Variants in MYO5C observed in about 807,000 individuals in gnomAD.
MYO5C encodes unconventional myosin-Vc.
A neutral mutation model predicts 235.7 loss-of-function variants in MYO5C; 194 were observed. The observed-to-expected ratio is 0.82, with a 90% CI of 0.73 to 0.93. MYO5C has a LOEUF of 0.93. Among genes scored for constraint, MYO5C ranks in the 40% least tolerant of loss-of-function variants. The pLI is 0.00. For missense variants in MYO5C, 2,038 were observed against 2,127.2 expected, an observed-to-expected ratio of 0.96 and a Z score of 0.82; for synonymous variants, 707 against 754.8, an observed-to-expected ratio of 0.94 and a Z score of 1.04.
intron 4 of MYO5C, among the ~76,000 whole-genome samples, chr15:52,278,508 C>T (rs1469547735): frequency 6.6e-6 from 1 of 151,912 alleles, no homozygotes; most frequent in Admixed American, 6.6e-5. Flanking sequence ...GCTAAAAACC[C>T]TGTCATCAGA....
intron 9 of MYO5C, among the ~76,000 whole-genome samples, chr15:52,263,483 G>A (rs987030967): frequency 2.6e-5 from 4 of 152,128 alleles, no homozygotes; most frequent in African/African-American, 4.8e-5. Context: ...GGTAGTGGGT[G>A]TCCTTCTGCT....
At chr15:52,214,579 A>C (rs542747295) in intron 33 of MYO5C, 24 bp downstream of exon 33, 1 of 1,528,600 alleles carries the variant, frequency 6.5e-7, no homozygotes, top group Non-Finnish European at 8.9e-7. Context: ...TCAAAAGAAT[A>C]AGAAAACAAG....
chr15:52,237,959 A>G (rs1351904586), intron 21 of MYO5C, among the ~76,000 whole-genome samples: 1 of 149,318 alleles, frequency 6.7e-6, no homozygotes, highest in Non-Finnish European at 1.5e-5. Flanking sequence ...CTAACCCCTG[A>G]ATTTAGGAAT....
Position 52,229,244 on chromosome 15 carries a change from T to A in MYO5C, c.3096A>T (p.Glu1032Asp). The change falls in exon 25 of 41, where the codon GAA becomes GAT. Residue 1032 changes from glutamate (E) to aspartate (D), a missense_variant. By Grantham distance (45) the Glu-to-Asp change is conservative. Transcript: ENST00000261839. ...TCTTCTCATCCTTGAGAGCTTTAAT[T>A]TCTTCTTTCAAAGACTGAATCTGCT... Reference protein sequence around the residue: ...YEKQIQSLKEEIKALKDEKMQ... With the variant: ...YEKQIQSLKEDIKALKDEKMQ... 2 of 1,614,260 alleles carry A rather than the reference T, an allele frequency of 1.2e-6. No individual in the cohort carries two copies. The highest frequency in any genetic ancestry group is 1.7e-6 in the Non-Finnish European group (2 of 1,180,046).
chr15:52,256,811 C>T (rs201168918), intron 10 of MYO5C, 91 bp from the exon 11 acceptor site: 25 of 965,614 alleles, frequency 2.6e-5, no homozygotes, highest in East Asian at 1.7e-4. Context: ...AAAGCTTAAA[C>T]GTTTGCTATG....
rs1178452150 is a variant in MYO5C, at chr15:52,264,244, T to C, written c.993A>G (p.Leu331=). The part of the protein sequence containing the change: ...MDVFKILAAI[L]HLGNVQITAV... ...CGGTGATCTGCACATTGCCCAGATG[T>C]AGGATGGCTGCCAGGATTTTAAAAA... The change falls in exon 9 of 41, where the codon CTA becomes CTG. Residue 331 remains leucine, a synonymous_variant. Transcript: ENST00000261839. 1 of 1,614,182 alleles carries C rather than the reference T, an allele frequency of 6.2e-7. No individual in the cohort carries two copies. Among genetic ancestry groups the C allele is most frequent in the South Asian group, 1.1e-5 (1 of 91,080 alleles).
intron 38 of MYO5C, among the ~76,000 whole-genome samples, chr15:52,199,981 TTTG>T (rs1432352321): frequency 1.3e-5 from 2 of 152,190 alleles, no homozygotes; most frequent in East Asian, 1.9e-4. Context: ...GGAAAAGCAG[TTTG>T]TTAAGTTCTT....
intron 38 of MYO5C, among the ~76,000 whole-genome samples, chr15:52,199,598 G>C (rs8024892): frequency 0.081 from 11,794 of 146,412 alleles, 726 homozygotes; most frequent in African/African-American, 0.18. Context: ...CCAACAAAGA[G>C]CTCCAGGGGA....
intron 7 of MYO5C, 40 bp from the exon 8 acceptor site, chr15:52,269,900 G>GA: frequency 2.1e-6 from 3 of 1,395,476 alleles, no homozygotes; most frequent in Non-Finnish European, 3.0e-6. Context: ...CTGTAACACA[G>GA]AAATTTGGAC....
intron 37 of MYO5C, chr15:52,205,546 TACC>T: frequency 3.0e-6 from 1 of 336,044 alleles, no homozygotes; most frequent in Admixed American, 4.3e-5. Flanking sequence ...GAAGTAGAAG[TACC>T]ACATAAATAG....
intron 9 of MYO5C, among the ~76,000 whole-genome samples, chr15:52,261,767 G>A (rs899282312): frequency 3.3e-5 from 5 of 152,208 alleles, no homozygotes; most frequent in African/African-American, 7.2e-5. Context: ...GGGAAGAGGT[G>A]CTCCCATTTC....
At chr15:52,277,443 C>T (rs1343469231) in intron 4 of MYO5C, among the ~76,000 whole-genome samples, 2 of 152,108 alleles carry the variant, frequency 1.3e-5, no homozygotes, top group African/African-American at 4.8e-5. Context: ...AATCTTGGTG[C>T]AGCGGAAGCT....
intron 8 of MYO5C, among the ~76,000 whole-genome samples, chr15:52,269,313 G>T (rs2036871138): frequency 6.6e-6 from 1 of 151,496 alleles, no homozygotes; most frequent in Admixed American, 6.6e-5. Flanking sequence ...AATATGTTCT[G>T]ATGTTTTGTC....
intron 24 of MYO5C, among the ~76,000 whole-genome samples, chr15:52,229,985 G>A (rs1246847089): frequency 6.6e-6 from 1 of 152,000 alleles, no homozygotes; most frequent in African/African-American, 2.4e-5. Context: ...ACCTTGGCGT[G>A]CTCTGCTAAG....
chr15:52,251,429 C>T lies in MYO5C; in HGVS notation c.1623G>A (p.Met541Ile), dbSNP rs369571256. The change falls in exon 13 of 41, where the codon ATG (methionine) becomes ATA (isoleucine). Residue 541 changes from methionine to isoleucine, a missense_variant. Coordinates refer to ENST00000261839, the MANE Select transcript of MYO5C (RefSeq NM_018728.4). ...GCTGGATGACAAAGGATGTGTTTGA[C>T]ATTCTAGGCTTTTCAAACAAAGGGT... ...NRNPLFEKPR[M>I]SNTSFVIQHF... 1.0e-5 allele frequency: 16 copies of T among 1,603,862 alleles called. No individual in the cohort carries two copies. Among genetic ancestry groups the T allele is most frequent in the Non-Finnish European group, 1.3e-5 (15 of 1,174,400 alleles).
At chr15:52,239,600 G>T in intron 21 of MYO5C, 133 bp downstream of exon 21, 2 of 862,022 alleles carry the variant, frequency 2.3e-6, no homozygotes, top group Non-Finnish European at 3.5e-6. Context: ...CTGTTTCCTA[G>T]CTCAGGTGGT....
Position 52,256,627 on chromosome 15 carries a change from A to G in MYO5C, c.1395+12T>C. ...GCTGAGAACTAGTCAAGAAGGCAGA[A>G]AGGTCACCTACCATGTTAAACTGTT... On this transcript the variant is annotated intron_variant, in intron 11 of 40. Transcript: ENST00000261839. 1.3e-6 allele frequency: 2 copies of G among 1,593,962 alleles called. No individual in the cohort carries two copies. The highest frequency in any genetic ancestry group is 2.2e-5 in the South Asian group (2 of 90,522).
chr15:52,217,823 CTCG>C (rs1393589237), intron 32 of MYO5C, among the ~76,000 whole-genome samples: 5 of 152,174 alleles, frequency 3.3e-5, no homozygotes, highest in African/African-American at 1.2e-4. Context: ...ACCCACTGGA[CTCG>C]TCAGCCCTCC....
chr15:52,251,609 G>A (rs2141334609), intron 12 of MYO5C, 94 bp from the exon 13 acceptor site: 1 of 846,554 alleles, frequency 1.2e-6, no homozygotes, highest in Middle Eastern at 3.7e-4. Context: ...AAGGTGATTT[G>A]GCACTTAGTG....
Sources: gnomAD v4.1 joint callset for allele counts (sites outside exome capture counted in the v4.1 genomes callset) on GRCh38, gnomAD v4.1.1 for gene constraint, MANE v1.5 for transcripts, NCBI Gene and HGNC (gene_info 2026-07-23, HGNC 2026-07-21) for gene names.